The following LRRIQ3 variants were observed in gnomAD, a reference collection of about 807,000 sequenced individuals.
The protein encoded by LRRIQ3 is leucine-rich repeat and IQ domain-containing protein 3.
Under a neutral mutation model 59.3 loss-of-function variants are expected in LRRIQ3, and 75 were observed. The observed-to-expected ratio is 1.26, with a 90% CI of 1.05 to 1.53. LRRIQ3 has a LOEUF of 1.53. LRRIQ3 is among the 40% of genes most tolerant of loss of function. LRRIQ3 has a pLI of 0.00. For synonymous variants in LRRIQ3, 250 were observed against 231.3 expected (o/e 1.08, Z -0.73); for missense variants, 831 against 710.0 (o/e 1.17, Z -1.94).
intron 1 of LRRIQ3, among the ~76,000 whole-genome samples, chr1:74,185,089 A>C (rs1650272525): frequency 6.6e-6 from 1 of 152,164 alleles, no homozygotes; most frequent in Non-Finnish European, 1.5e-5. Context: ...CCAACTTTAC[A>C]CAATTATGAA....
rs187826049 is a variant in LRRIQ3 at position 74,119,529 on chromosome 1, G to A, written c.708-9976C>T. ...CACTTACAGTCTCCCCCACAACAAC[G>A]TTACAAAAATATACAACTTAATTGT... On this transcript the variant is annotated intron_variant, in intron 4 of 7. Transcript: ENST00000354431. Among the ~76,000 whole-genome samples, 87 of 152,060 alleles carry A rather than the reference G, an allele frequency of 5.7e-4. No homozygotes were observed. In the East Asian group the frequency reaches 0.015, roughly 25 times the overall value.
chr1:74,063,332 T>C (rs1054950430), intron 6 of LRRIQ3, among the ~76,000 whole-genome samples: 1 of 152,130 alleles, frequency 6.6e-6, no homozygotes, highest in African/African-American at 2.4e-5. Context: ...TGGTTTAAAC[T>C]GGAAAATATT....
chr1:74,171,113 A>T (rs1649297210), intron 3 of LRRIQ3, among the ~76,000 whole-genome samples: 1 of 152,152 alleles, frequency 6.6e-6, no homozygotes, highest in African/African-American at 2.4e-5. Context: ...AGATAATTTT[A>T]CTTCTTCCAT....
rs959991592 is a variant in LRRIQ3, at chr1:74,088,115, CAA to C, written c.868-13327_868-13326del. Among the ~76,000 whole-genome samples the C allele has an allele frequency of 2.7e-5, 4 of 149,708 alleles. No homozygotes were observed. In the South Asian group the frequency reaches 8.4e-4, roughly 32 times the overall value. Reference sequence around the variant, plus strand: ...CAAACAAACAAACAAAAAAACAAAACAAAAAAAAACAATTGTCTCTCAGATAT... The same window carrying C: ...CAAACAAACAAACAAAAAAACAAAACAAAAAAACAATTGTCTCTCAGATAT... On this transcript the variant is annotated intron_variant, in intron 5 of 7. Coordinates refer to ENST00000354431, the MANE Select transcript of LRRIQ3 (RefSeq NM_001105659.2).
At chr1:74,105,408 T>C (rs1383565504) in intron 5 of LRRIQ3, among the ~76,000 whole-genome samples, 3 of 151,814 alleles carry the variant, frequency 2.0e-5, no homozygotes, top group Non-Finnish European at 4.4e-5. Flanking sequence ...TATACAATCA[T>C]GCTCAGCTAA....
At chr1:74,151,674 G>A (rs946691700) in intron 4 of LRRIQ3, among the ~76,000 whole-genome samples, 10 of 151,990 alleles carry the variant, frequency 6.6e-5, no homozygotes, top group Non-Finnish European at 1.5e-4. Flanking sequence ...AAGCATTCCG[G>A]GACTCTAAAC....
chr1:74,108,887 T>C (rs1436537635), intron 5 of LRRIQ3: 4 of 402,434 alleles, frequency 9.9e-6, no homozygotes, highest in Non-Finnish European at 2.0e-5. Flanking sequence ...AAAATATCTA[T>C]CTATGGTGCT....
At chr1:74,151,677 C>T (rs896857103) in intron 4 of LRRIQ3, among the ~76,000 whole-genome samples, 8 of 152,226 alleles carry the variant, frequency 5.3e-5, no homozygotes, top group Non-Finnish European at 1.0e-4. Context: ...CATTCCGGGA[C>T]TCTAAACCCC....
chr1:74,109,151 A>G (rs543271644), intron 5 of LRRIQ3: 1 of 243,702 alleles, frequency 4.1e-6, no homozygotes, highest in East Asian at 9.8e-5. Context: ...CTAAATAAAA[A>G]ATTATATATA....
intron 6 of LRRIQ3, among the ~76,000 whole-genome samples, chr1:74,046,437 C>G (rs1003540690): frequency 6.6e-6 from 1 of 152,080 alleles, no homozygotes; most frequent in Non-Finnish European, 1.5e-5. Flanking sequence ...TACCTTACAC[C>G]TTATACAAAA....
chr1:74,182,985 C>T (rs1650092331), intron 2 of LRRIQ3, 124 bp from the exon 3 acceptor site: 6 of 543,818 alleles, frequency 1.1e-5, no homozygotes, highest in South Asian at 6.8e-5. Context: ...AATTAATAAG[C>T]AAACAGAGTA....
intron 5 of LRRIQ3, among the ~76,000 whole-genome samples, chr1:74,091,098 A>G (rs1343137218): frequency 1.3e-5 from 2 of 152,110 alleles, no homozygotes; most frequent in Non-Finnish European, 2.9e-5. Context: ...CAAGGAGATC[A>G]GGAATCAAAA....
chr1:74,053,188 A>C (rs1654421317), intron 6 of LRRIQ3, among the ~76,000 whole-genome samples: 1 of 151,628 alleles, frequency 6.6e-6, no homozygotes, highest in African/African-American at 2.4e-5. Flanking sequence ...AAAAAAAAAA[A>C]AAAAAACAAA....
chr1:74,041,961 C>G, intron 6 of LRRIQ3, 28 bp from the exon 7 acceptor site: 1 of 1,539,764 alleles, frequency 6.5e-7, no homozygotes, highest in Non-Finnish European at 8.7e-7. Context: ...AAATATTATA[C>G]ATTATACAAG....
chr1:74,034,638 AC>A (rs1288992307), intron 7 of LRRIQ3, among the ~76,000 whole-genome samples: 1 of 7,942 alleles, frequency 1.3e-4, no homozygotes, highest in Non-Finnish European at 1.5e-3. Flanking sequence ...ACACACAGAC[AC>A]ACACACACAC....
At chr1:74,129,589 G>C (rs776889787) in intron 4 of LRRIQ3, among the ~76,000 whole-genome samples, 6 of 151,878 alleles carry the variant, frequency 4.0e-5, no homozygotes, top group Non-Finnish European at 8.8e-5. Flanking sequence ...GGGCCAAGCT[G>C]GTACCTAATC....
chr1:74,196,936 C>A (rs959745386), intron 1 of LRRIQ3, among the ~76,000 whole-genome samples: 3 of 152,142 alleles, frequency 2.0e-5, no homozygotes, highest in African/African-American at 7.2e-5. Flanking sequence ...ACTTCAAAAC[C>A]CTGCAATGGC....
At chr1:74,113,072 GA>G (rs1646724807) in intron 4 of LRRIQ3, among the ~76,000 whole-genome samples, 1 of 151,598 alleles carries the variant, frequency 6.6e-6, no homozygotes, top group Non-Finnish European at 1.5e-5. Context: ...ACACTTAAAA[GA>G]AATCAAATAC....
intron 3 of LRRIQ3, among the ~76,000 whole-genome samples, chr1:74,176,461 T>G (rs973455746): frequency 6.6e-6 from 1 of 152,106 alleles, no homozygotes; most frequent in Non-Finnish European, 1.5e-5. Flanking sequence ...TGATTTGGGG[T>G]TTTCTCAGCT....
Sources: gnomAD v4.1 joint callset for allele counts (sites outside exome capture counted in the v4.1 genomes callset) on GRCh38, gnomAD v4.1.1 for gene constraint, MANE v1.5 for transcripts, NCBI Gene and HGNC (gene_info 2026-07-23, HGNC 2026-07-21) for gene names.